The following TMEM68 variants were observed in gnomAD, a reference collection of about 807,000 sequenced individuals.
TMEM68 encodes the protein transmembrane protein 68.
A neutral mutation model predicts 36.9 loss-of-function variants in TMEM68; 25 were observed. That is an observed-to-expected ratio of 0.68 (90% CI 0.49 to 0.95). The LOEUF (loss-of-function observed/expected upper bound fraction) is 0.95. Ranked by LOEUF, TMEM68 falls within the 40% of genes least tolerant of loss-of-function variation. TMEM68 has a pLI of 0.00. For synonymous variants in TMEM68, 131 were observed against 124.4 expected (o/e 1.05, Z -0.35); for missense variants, 333 against 392.0 (o/e 0.85, Z 1.27).
Position 55,754,631 on chromosome 8 carries a change from CA to C in TMEM68, c.493+1612del. ...ATTTATATTATATATAAAATACATACATTATATAATATATATTTATATTATA... is the reference window on the plus strand; with the variant it reads ...ATTTATATTATATATAAAATACATACTTATATAATATATATTTATATTATA... On this transcript the variant is annotated intron_variant, in intron 4 of 7. Coordinates refer to ENST00000434581, the MANE Select transcript of TMEM68 (RefSeq NM_001286657.2). Among the ~76,000 whole-genome samples, 3 of 122,576 alleles carry C rather than the reference CA, an allele frequency of 2.4e-5. 1 individual carries two copies. The Admixed American group carries it at 2.9e-4, about 12-fold the overall frequency. 80.4% of individuals were successfully genotyped at this position (122,576 alleles called of 152,430 possible). A position where few individuals can be genotyped will look rare whatever the true frequency, so the allele number is the denominator to read the frequency against.
intron 1 of TMEM68, among the ~76,000 whole-genome samples, chr8:55,767,393 G>T (rs1811004921): frequency 6.6e-6 from 1 of 152,208 alleles, no homozygotes; most frequent in East Asian, 1.9e-4. Flanking sequence ...GTTGCAGGAA[G>T]AACAGGTTTG....
At chr8:55,770,458 T>C (rs1446502921) in intron 1 of TMEM68, among the ~76,000 whole-genome samples, 1 of 152,182 alleles carries the variant, frequency 6.6e-6, no homozygotes, top group Non-Finnish European at 1.5e-5. Flanking sequence ...AAGGACTGCT[T>C]GAGTTCAGGA....
chr8:55,754,697 AATAC>A (rs541418509), intron 4 of TMEM68, among the ~76,000 whole-genome samples: 1,673 of 130,170 alleles, frequency 0.013, 55 homozygotes, highest in African/African-American at 0.048. Context: ...TTATATATGA[AATAC>A]ATACTTATAT....
At chr8:55,760,878 T>C (rs1810769938) in intron 3 of TMEM68, 1 of 152,222 alleles carries the variant, frequency 6.6e-6, no homozygotes, top group African/African-American at 2.4e-5. Context: ...TCAATTTACT[T>C]TAAGCTCTAC....
At chr8:55,769,613 T>C (rs1811090613) in intron 1 of TMEM68, among the ~76,000 whole-genome samples, 1 of 152,084 alleles carries the variant, frequency 6.6e-6, no homozygotes, top group South Asian at 2.1e-4. Context: ...TGGCTAAATA[T>C]ACAACTGAAC....
chr8:55,765,504 A>C (rs545503139), intron 1 of TMEM68, among the ~76,000 whole-genome samples: 1 of 152,324 alleles, frequency 6.6e-6, no homozygotes, highest in African/African-American at 2.4e-5. Context: ...TACATGGGCT[A>C]ATCTGTGTAA....
At chr8:55,744,557 T>C (rs1471924085) in intron 6 of TMEM68, among the ~76,000 whole-genome samples, 1 of 151,890 alleles carries the variant, frequency 6.6e-6, no homozygotes, top group Non-Finnish European at 1.5e-5. Flanking sequence ...TCCACCCACC[T>C]CGGCCTCCCA....
chr8:55,770,943 G>C (rs1025939883), intron 1 of TMEM68, among the ~76,000 whole-genome samples: 5 of 151,998 alleles, frequency 3.3e-5, no homozygotes, highest in African/African-American at 1.2e-4. Context: ...ATCACCTGAG[G>C]TCGGGAGTTC....
chr8:55,740,943 C>T lies in TMEM68; in HGVS notation c.889-725G>A, dbSNP rs192874324. ...AGGCCAAAGATGTATTATAAAAATA[C>T]GCCCCTTTGGCTGGGCGTGGTGGCT... is the stretch of plus-strand genomic sequence containing the variant. On this transcript the variant is annotated intron_variant, in intron 7 of 7. Transcript: ENST00000434581. Among the ~76,000 whole-genome samples, 31 of 152,218 alleles carry T rather than the reference C, an allele frequency of 2.0e-4. No individual in the cohort carries two copies. In the East Asian group the frequency reaches 3.1e-3, roughly 15 times the overall value.
Position 55,745,184 on chromosome 8 carries a change from G to C in TMEM68, c.688-63C>G, listed in dbSNP as rs1207534232. ...ATTAATCCATTCAATGTCTCCATTAGAGTAACTAATGCAAACTTTTTTTTT... is the reference window on the plus strand; with the variant it reads ...ATTAATCCATTCAATGTCTCCATTACAGTAACTAATGCAAACTTTTTTTTT... On this transcript the variant is annotated intron_variant, in intron 5 of 7. Coordinates refer to ENST00000434581, the MANE Select transcript of TMEM68 (RefSeq NM_001286657.2). 7 of 1,144,698 alleles carry C rather than the reference G, an allele frequency of 6.1e-6. No individual in the cohort carries two copies. The African/African-American group carries it at 6.4e-5, about 10-fold the overall frequency. 70.9% of individuals were successfully genotyped at this position (1,144,698 alleles called of 1,614,324 possible).
chr8:55,769,265 T>C (rs1297372356), intron 1 of TMEM68, among the ~76,000 whole-genome samples: 6 of 125,438 alleles, frequency 4.8e-5, no homozygotes, highest in African/African-American at 1.5e-4. Context: ...AGAGGTTATA[T>C]AAGCCGAGAT....
At chr8:55,766,847 C>T (rs1453617855) in intron 1 of TMEM68, among the ~76,000 whole-genome samples, 1 of 152,076 alleles carries the variant, frequency 6.6e-6, no homozygotes. Context: ...ATACATGTGG[C>T]AGAGGGAAGG....
At position 55,743,702 on chromosome 8, in the gene TMEM68, G is replaced by A. The variant is rs1417601000; in HGVS notation, c.749-82C>T. 4 of 1,304,478 alleles carry A rather than the reference G, an allele frequency of 3.1e-6. No homozygotes were observed. In the East Asian group the frequency reaches 1.1e-4, roughly 35 times the overall value. The allele number at this position is 1,304,478 out of a possible 1,614,324, so 80.8% of individuals were successfully genotyped here. On this transcript the variant is annotated intron_variant, in intron 6 of 7. Coordinates refer to ENST00000434581, the MANE Select transcript of TMEM68 (RefSeq NM_001286657.2). ...GTAAACTTTCAAATTAATTATGTAG[G>A]ACTTACAGGAAGGTGGCAAAAAGTA...
chr8:55,753,514 AAT>A (rs1287424948), intron 4 of TMEM68, among the ~76,000 whole-genome samples: 3 of 152,248 alleles, frequency 2.0e-5, no homozygotes, highest in African/African-American at 4.8e-5. Context: ...AGCCATAAAC[AAT>A]ATGTTTATAC....
chr8:55,760,119 T>C (rs894384796), intron 3 of TMEM68, among the ~76,000 whole-genome samples: 1 of 152,278 alleles, frequency 6.6e-6, no homozygotes, highest in African/African-American at 2.4e-5. Context: ...GTTCTCTATA[T>C]GGCTACCAAG....
intron 6 of TMEM68, among the ~76,000 whole-genome samples, chr8:55,743,891 C>T (rs989531175): frequency 6.6e-6 from 1 of 151,452 alleles, no homozygotes; most frequent in African/African-American, 2.4e-5. Context: ...AAAATGCCCC[C>T]CAAAAAAGTT....
intron 7 of TMEM68, among the ~76,000 whole-genome samples, chr8:55,740,434 G>A (rs1810064444): frequency 6.6e-6 from 1 of 152,126 alleles, no homozygotes; most frequent in Non-Finnish European, 1.5e-5. Flanking sequence ...CCAATGTGCT[G>A]GGATTACAGG....
rs1810062931 is a variant in TMEM68, at chr8:55,740,380, T to A, written c.889-162A>T. On this transcript the variant is annotated intron_variant, in intron 7 of 7. Transcript: ENST00000434581. ...GGGTTTCACTATGTTTCCCAGGCTG[T>A]TCTCGAACTCCTGGGGCTCAAGCAA... is the stretch of plus-strand genomic sequence containing the variant. 2.6e-5 allele frequency among the ~76,000 whole-genome samples: 4 copies of A among 152,180 alleles called. No homozygotes were observed. The South Asian group carries it at 8.3e-4, about 32-fold the overall frequency.
At chr8:55,767,806 G>A (rs936941541) in intron 1 of TMEM68, among the ~76,000 whole-genome samples, 12 of 152,072 alleles carry the variant, frequency 7.9e-5, no homozygotes, top group Non-Finnish European at 7.4e-5. Context: ...GCGTGGTGTC[G>A]CACGCCTATA....
Sources: allele counts gnomAD v4.1 joint callset (sites outside exome capture counted in the v4.1 genomes callset), GRCh38; gene constraint gnomAD v4.1.1; transcripts MANE v1.5; gene names NCBI Gene and HGNC (gene_info 2026-07-23, HGNC 2026-07-21).